PTPRD: variants seen among roughly 807,000 people sequenced by gnomAD.
The protein encoded by PTPRD is receptor-type tyrosine-protein phosphatase delta.
PTPRD carries 34 observed loss-of-function variants against 214.5 expected under a neutral mutation model. That is an observed-to-expected ratio of 0.16 (90% CI 0.12 to 0.21). The LOEUF is 0.21. PTPRD is among the 10% of genes least tolerant of loss of function. The pLI, the probability that PTPRD is intolerant of heterozygous loss-of-function variation, is 1.00. For synonymous variants in PTPRD, 1,128 were observed against 845.7 expected, an observed-to-expected ratio of 1.33 and a Z score of -5.79; for missense variants, 2,545 against 2,398.7, an observed-to-expected ratio of 1.06 and a Z score of -1.27.
intron 12 of PTPRD, among the ~76,000 whole-genome samples, chr9:8,642,196 C>T (rs1169336218): frequency 6.6e-6 from 1 of 152,078 alleles, no homozygotes; most frequent in Non-Finnish European, 1.5e-5. Flanking sequence ...TCACATGCTA[C>T]AAAAGTGAAG....
intron 9 of PTPRD, among the ~76,000 whole-genome samples, chr9:9,384,746 T>C (rs2063373800): frequency 6.6e-6 from 1 of 152,066 alleles, no homozygotes; most frequent in Non-Finnish European, 1.5e-5. Context: ...CTTTCTATTA[T>C]GATGAATTTT....
At chr9:9,809,117 C>T (rs1248111611) in intron 5 of PTPRD, among the ~76,000 whole-genome samples, 2 of 151,984 alleles carry the variant, frequency 1.3e-5, no homozygotes, top group South Asian at 2.1e-4. Flanking sequence ...AACTATGTGG[C>T]CCTTCTTTTG....
At chr9:10,071,272 G>T (rs2098008613) in intron 3 of PTPRD, among the ~76,000 whole-genome samples, 1 of 151,956 alleles carries the variant, frequency 6.6e-6, no homozygotes, top group African/African-American at 2.4e-5. Context: ...CCTGATTCTT[G>T]ATTGTAAAAT....
At chr9:10,568,102 G>A (rs1490068993) in intron 2 of PTPRD, among the ~76,000 whole-genome samples, 1 of 150,146 alleles carries the variant, frequency 6.7e-6, no homozygotes, top group Non-Finnish European at 1.5e-5. Context: ...ATCTCCTAAT[G>A]CTACCCCTCC....
chr9:9,091,520 A>G (rs189208092), intron 10 of PTPRD, among the ~76,000 whole-genome samples: 4 of 152,314 alleles, frequency 2.6e-5, no homozygotes, highest in Non-Finnish European at 5.9e-5. Context: ...TACAGCAATT[A>G]GTAATAGTCC....
intron 2 of PTPRD, among the ~76,000 whole-genome samples, chr9:10,530,395 C>G (rs12341749): frequency 0.25 from 37,385 of 152,012 alleles, 5,279 homozygotes; most frequent in Non-Finnish European, 0.32. Context: ...AAACCCCATG[C>G]AAATGGAGTA....
chr9:9,158,728 G>C (rs758265393), intron 10 of PTPRD, among the ~76,000 whole-genome samples: 1 of 152,064 alleles, frequency 6.6e-6, no homozygotes, highest in Non-Finnish European at 1.5e-5. Context: ...CATTACCACA[G>C]TATCAAAGTC....
intron 11 of PTPRD, among the ~76,000 whole-genome samples, chr9:8,771,631 T>C (rs2095220423): frequency 6.6e-6 from 1 of 152,184 alleles, no homozygotes. Flanking sequence ...GGATGTTTGT[T>C]TTATGAATAT....
At chr9:8,772,982 T>C (rs1376081869) in intron 11 of PTPRD, among the ~76,000 whole-genome samples, 3 of 152,180 alleles carry the variant, frequency 2.0e-5, no homozygotes, top group Non-Finnish European at 4.4e-5. Flanking sequence ...AAAGTCAATT[T>C]TTCCCCACTT....
chr9:9,812,489 T>C (rs1475717135), intron 5 of PTPRD, among the ~76,000 whole-genome samples: 1 of 152,134 alleles, frequency 6.6e-6, no homozygotes, highest in African/African-American at 2.4e-5. Flanking sequence ...GAAAAAGATA[T>C]TCCATGGAAA....
At chr9:9,115,715 C>T (rs1181760864) in intron 10 of PTPRD, among the ~76,000 whole-genome samples, 1 of 152,092 alleles carries the variant, frequency 6.6e-6, no homozygotes. Context: ...TTTAAAGACA[C>T]AGAATCCAAT....
intron 14 of PTPRD, among the ~76,000 whole-genome samples, chr9:8,577,819 G>T (rs757973970): frequency 6.6e-6 from 1 of 152,092 alleles, no homozygotes. Flanking sequence ...CTCAAGACCC[G>T]CTGAATCAGA....
At chr9:9,327,995 C>A (rs2040700486) in intron 9 of PTPRD, among the ~76,000 whole-genome samples, 1 of 151,844 alleles carries the variant, frequency 6.6e-6, no homozygotes, top group Non-Finnish European at 1.5e-5. Flanking sequence ...GTCCTGGGCC[C>A]ATACAGCCCA....
At chr9:10,528,263 T>C (rs1351907029) in intron 2 of PTPRD, among the ~76,000 whole-genome samples, 3 of 152,146 alleles carry the variant, frequency 2.0e-5, no homozygotes, top group Admixed American at 2.0e-4. Context: ...GATTCCAAGT[T>C]CTACCACAGA....
intron 11 of PTPRD, among the ~76,000 whole-genome samples, chr9:8,789,461 T>C (rs945096486): frequency 1.3e-5 from 2 of 152,202 alleles, no homozygotes; most frequent in Non-Finnish European, 2.9e-5. Flanking sequence ...GATGTACACA[T>C]AGCAGTAGAA....
intron 7 of PTPRD, among the ~76,000 whole-genome samples, chr9:9,715,320 G>C (rs934398019): frequency 1.3e-5 from 2 of 152,156 alleles, no homozygotes; most frequent in African/African-American, 4.8e-5. Flanking sequence ...TTGGCATACA[G>C]TTAATGCTCT....
chr9:9,649,030 C>G (rs2096266911), intron 7 of PTPRD, among the ~76,000 whole-genome samples: 1 of 152,098 alleles, frequency 6.6e-6, no homozygotes, highest in Non-Finnish European at 1.5e-5. Flanking sequence ...GTTGAGGCCT[C>G]AGTTTCCCAA....
At chr9:10,451,127 T>C (rs1395672875) in intron 2 of PTPRD, among the ~76,000 whole-genome samples, 2 of 151,948 alleles carry the variant, frequency 1.3e-5, no homozygotes, top group Non-Finnish European at 2.9e-5. Context: ...CGTATTTTGA[T>C]ATTTCTGATT....
At chr9:8,966,816 G>C (rs1011308365) in intron 11 of PTPRD, among the ~76,000 whole-genome samples, 1 of 152,010 alleles carries the variant, frequency 6.6e-6, no homozygotes, top group Non-Finnish European at 1.5e-5. Flanking sequence ...AGAGTAAACA[G>C]ACAACCTACA....
Sources: gnomAD v4.1 joint callset for allele counts (sites outside exome capture counted in the v4.1 genomes callset) on GRCh38, gnomAD v4.1.1 for gene constraint, MANE v1.5 for transcripts, NCBI Gene and HGNC (gene_info 2026-07-23, HGNC 2026-07-21) for gene names.